NHEJ1: variants seen among roughly 807,000 people sequenced by gnomAD.
NHEJ1 encodes non-homologous end joining factor 1.
Under a neutral mutation model 39.4 loss-of-function variants are expected in NHEJ1, and 22 were observed. The ratio of observed to expected loss-of-function variants is 0.56; its 90% CI spans 0.40 to 0.80. The LOEUF (loss-of-function observed/expected upper bound fraction) is 0.80. Ranked by LOEUF, NHEJ1 falls within the 30% of genes least tolerant of loss-of-function variation. NHEJ1 has a pLI of 0.00. For missense variants in NHEJ1, 329 were observed against 357.1 expected, an observed-to-expected ratio of 0.92 and a Z score of 0.63; for synonymous variants, 154 against 135.6, an observed-to-expected ratio of 1.14 and a Z score of -0.94.
chr2:219,077,974 TTTA>T (rs1178578269), intron 6 of NHEJ1, 112 bp downstream of exon 6: 13 of 777,054 alleles, frequency 1.7e-5, no homozygotes, highest in Non-Finnish European at 2.8e-5. Flanking sequence ...TTATTTCATT[TTTA>T]TTAATTTAAA....
chr2:219,105,204 A>C (rs1949302362), intron 5 of NHEJ1, among the ~76,000 whole-genome samples: 1 of 152,208 alleles, frequency 6.6e-6, no homozygotes, highest in South Asian at 2.1e-4. Context: ...ATCTTCCAGT[A>C]ACATAGGGTG....
Position 219,158,167 on chromosome 2 carries a change from T to C in NHEJ1, c.177+19A>G. 2 of 1,613,750 alleles carry C rather than the reference T, an allele frequency of 1.2e-6. No individual in the cohort carries two copies. Among genetic ancestry groups the C allele is most frequent in the Non-Finnish European group, 1.7e-6 (2 of 1,179,724 alleles). On this transcript the variant is annotated intron_variant, in intron 2 of 7. Coordinates refer to ENST00000356853, the MANE Select transcript of NHEJ1 (RefSeq NM_024782.3). ...GATGTTCACATCCCCGACACAGCAGTACTTCTCCTCATACTTACCTTGGCT... is the reference window on the plus strand; with the variant it reads ...GATGTTCACATCCCCGACACAGCAGCACTTCTCCTCATACTTACCTTGGCT...
chr2:219,077,660 T>C (rs1464772692), intron 6 of NHEJ1, among the ~76,000 whole-genome samples: 5 of 152,114 alleles, frequency 3.3e-5, no homozygotes, highest in African/African-American at 1.2e-4. Flanking sequence ...ATTTTTTTTT[T>C]TTTTAAAGAG....
intron 5 of NHEJ1, among the ~76,000 whole-genome samples, chr2:219,086,005 G>A (rs1019552282): frequency 6.6e-6 from 1 of 152,126 alleles, no homozygotes; most frequent in Non-Finnish European, 1.5e-5. Flanking sequence ...GGACTGCAGG[G>A]TCAGAAGAGG....
intron 5 of NHEJ1, among the ~76,000 whole-genome samples, chr2:219,141,643 A>T (rs1238721380): frequency 6.6e-6 from 1 of 152,138 alleles, no homozygotes; most frequent in Non-Finnish European, 1.5e-5. Context: ...CATGTTTAGG[A>T]TGTGCTTTAT....
At chr2:219,138,289 T>C (rs1456152018) in intron 5 of NHEJ1, among the ~76,000 whole-genome samples, 1 of 152,214 alleles carries the variant, frequency 6.6e-6, no homozygotes, top group Non-Finnish European at 1.5e-5. Flanking sequence ...TTCTGGGATT[T>C]CTCAATAATA....
chr2:219,104,284 T>C lies in NHEJ1; in HGVS notation c.589-26078A>G, dbSNP rs368410531. Among the ~76,000 whole-genome samples the C allele has an allele frequency of 8.3e-4, 126 of 152,254 alleles. 2 individuals are homozygous for C. In the South Asian group the frequency reaches 0.026, roughly 32 times the overall value. On this transcript the variant is annotated intron_variant, in intron 5 of 7. Coordinates refer to ENST00000356853, the MANE Select transcript of NHEJ1 (RefSeq NM_024782.3). The stretch of plus-strand genomic sequence containing the variant: ...AAAAGGGGATTTCTGCCTGCAACTA[T>C]GCCAAAAGAGCTAAGGGAAACAGTG...
intron 5 of NHEJ1, among the ~76,000 whole-genome samples, chr2:219,093,728 A>G (rs1160520589): frequency 6.6e-6 from 1 of 152,132 alleles, no homozygotes; most frequent in Non-Finnish European, 1.5e-5. Context: ...AATAGTGGGT[A>G]TATAGTGTTT....
chr2:219,088,382 C>G (rs950026362), intron 5 of NHEJ1, among the ~76,000 whole-genome samples: 1 of 152,050 alleles, frequency 6.6e-6, no homozygotes, highest in African/African-American at 2.4e-5. Context: ...AATCCCAGCA[C>G]TTTGGGAGGC....
At chr2:219,094,967 G>A (rs1949192656) in intron 5 of NHEJ1, among the ~76,000 whole-genome samples, 1 of 152,184 alleles carries the variant, frequency 6.6e-6, no homozygotes, top group South Asian at 2.1e-4. Context: ...AACAGAGGAA[G>A]AGGGTGGGAG....
intron 5 of NHEJ1, among the ~76,000 whole-genome samples, chr2:219,140,552 T>C (rs988445357): frequency 6.6e-6 from 1 of 152,150 alleles, no homozygotes; most frequent in Non-Finnish European, 1.5e-5. Context: ...CTGATGGACT[T>C]TGGCTGTAGG....
chr2:219,159,518 TATATATGC>T (rs148255353), intron 1 of NHEJ1, among the ~76,000 whole-genome samples: 8,534 of 39,384 alleles, frequency 0.22, 1,383 homozygotes, highest in Non-Finnish European at 0.31. Flanking sequence ...TAACTTTATA[TATATATGC>T]ATATATATAT....
intron 5 of NHEJ1, among the ~76,000 whole-genome samples, chr2:219,084,298 C>A (rs570409893): frequency 6.6e-6 from 1 of 152,214 alleles, no homozygotes; most frequent in African/African-American, 2.4e-5. Flanking sequence ...TGAGCCACCA[C>A]GCTTGGTTCT....
At chr2:219,097,004 A>G (rs958301760) in intron 5 of NHEJ1, among the ~76,000 whole-genome samples, 2 of 152,064 alleles carry the variant, frequency 1.3e-5, no homozygotes, top group African/African-American at 4.8e-5. Context: ...CTGGCTTATG[A>G]TTTTTTTGGC....
rs145185596 is a variant in NHEJ1, at chr2:219,075,232, C to T, written c.*1149G>A. 65 of 152,340 alleles carry T rather than the reference C, an allele frequency of 4.3e-4. No homozygotes were observed. Among genetic ancestry groups the T allele is most frequent in the Admixed American group, 2.4e-3 (37 of 15,304 alleles). 9.4% of individuals were successfully genotyped at this position (152,340 alleles called of 1,614,324 possible). On this transcript the variant is annotated 3_prime_UTR_variant, in exon 8 of 8. Coordinates refer to ENST00000356853, the MANE Select transcript of NHEJ1 (RefSeq NM_024782.3). ...CAATTTCTTAATGGGTTAACAGCATCTTCCTCATATGATGCTATGAGGATC... is the reference window on the plus strand; with the variant it reads ...CAATTTCTTAATGGGTTAACAGCATTTTCCTCATATGATGCTATGAGGATC...
chr2:219,099,234 C>T (rs925025356), intron 5 of NHEJ1, among the ~76,000 whole-genome samples: 3 of 152,202 alleles, frequency 2.0e-5, no homozygotes, highest in Admixed American at 6.5e-5. Context: ...TGCCACTTTG[C>T]GCTGGACAAT....
At chr2:219,139,980 G>T (rs1305562261) in intron 5 of NHEJ1, among the ~76,000 whole-genome samples, 1 of 152,102 alleles carries the variant, frequency 6.6e-6, no homozygotes, top group Non-Finnish European at 1.5e-5. Flanking sequence ...CACCCAGCCT[G>T]TTATTTTAAG....
chr2:219,110,815 G>A (rs1339042967), intron 5 of NHEJ1, among the ~76,000 whole-genome samples: 1 of 152,052 alleles, frequency 6.6e-6, no homozygotes, highest in African/African-American at 2.4e-5. Flanking sequence ...CAAGAAACAG[G>A]AAGGAGGCGG....
chr2:219,139,423 A>C (rs1949669075), intron 5 of NHEJ1, among the ~76,000 whole-genome samples: 1 of 152,050 alleles, frequency 6.6e-6, no homozygotes, highest in South Asian at 2.1e-4. Flanking sequence ...GCTCTGGAGG[A>C]AACCAGGTCC....
Sources: gnomAD v4.1 joint callset for allele counts (sites outside exome capture counted in the v4.1 genomes callset) on GRCh38, gnomAD v4.1.1 for gene constraint, MANE v1.5 for transcripts, NCBI Gene and HGNC (gene_info 2026-07-23, HGNC 2026-07-21) for gene names.